CCHCR1: variants seen among roughly 807,000 people sequenced by gnomAD.
CCHCR1 encodes the protein HCR (a-helix coiled-coil rod homologue).
Under a neutral mutation model 114.6 loss-of-function variants are expected in CCHCR1, and 91 were observed. The observed-to-expected ratio is 0.79, with a 90% CI of 0.67 to 0.94. The LOEUF (loss-of-function observed/expected upper bound fraction) is 0.94. Among genes scored for constraint, CCHCR1 ranks in the 40% least tolerant of loss-of-function variants. The pLI is 0.00. For synonymous variants in CCHCR1, 379 were observed against 428.5 expected (o/e 0.88, Z 1.43); for missense variants, 899 against 1,079.9 (o/e 0.83, Z 2.35).
intron 1 of CCHCR1, 132 bp downstream of exon 1, chr6:31,157,253 C>A: frequency 9.8e-7 from 1 of 1,017,014 alleles, no homozygotes; most frequent in Non-Finnish European, 1.5e-6. Flanking sequence ...CCCAAATTCA[C>A]TTGCTTGTCT....
At position 31,142,560 on chromosome 6, in the gene CCHCR1, C is replaced by T; in HGVS notation, c.*32G>A. 1.3e-6 allele frequency: 2 copies of T among 1,599,534 alleles called. No homozygotes were observed. The highest frequency in any genetic ancestry group is 1.7e-6 in the Non-Finnish European group (2 of 1,170,932). Reference sequence around the variant, plus strand: ...CACTTCTCCAGGATCCTCCCAGCCCCCAGGCTGGCTTTCCCTCCAACTGTC... The same window carrying T: ...CACTTCTCCAGGATCCTCCCAGCCCTCAGGCTGGCTTTCCCTCCAACTGTC... On this transcript the variant is annotated 3_prime_UTR_variant, in exon 18 of 18. Transcript: ENST00000396268.
At position 31,151,106 on chromosome 6, in the gene CCHCR1, T is replaced by C. The variant is rs768055992; in HGVS notation, c.818A>G (p.Gln273Arg). Residue 273 changes from glutamine to arginine, a missense_variant, in exon 5 of 18, where the codon CAG (glutamine) becomes CGG (arginine). By Grantham distance (43) the Gln-to-Arg change is conservative. Transcript: ENST00000396268. This position sits in a 1 kb window ranked among gnomAD's most constrained non-coding sequence, Gnocchi z 4.1. ...ACTGGAAAGAGCCTCCTCGTGAGCC[T>C]GTGTCAAAGAGGACAGCTGCGGAAA... ...LHQEQLSSLT[Q>R]AHEEALSSLT... 1 of 1,612,712 alleles carries C rather than the reference T, an allele frequency of 6.2e-7. No homozygotes were observed. Among genetic ancestry groups the C allele is most frequent in the Non-Finnish European group, 8.5e-7 (1 of 1,179,868 alleles).
Position 31,142,521 on chromosome 6 carries a change from G to C in CCHCR1, c.*71C>G. 6.7e-7 allele frequency: 1 copy of C among 1,490,180 alleles called. No individual in the cohort carries two copies. The highest frequency in any genetic ancestry group is 1.2e-5 in the South Asian group (1 of 84,836). The allele number at this position is 1,490,180 out of a possible 1,614,324, so 92.3% of individuals were successfully genotyped here. On this transcript the variant is annotated 3_prime_UTR_variant, in exon 18 of 18. Coordinates refer to ENST00000396268, the MANE Select transcript of CCHCR1 (RefSeq NM_001105564.2). Reference sequence around the variant, plus strand: ...GGCAACCCCAGGATGGGGAAGGGCTGGTCTGTCCCCACCCACTTCTCCAGG... The same window carrying C: ...GGCAACCCCAGGATGGGGAAGGGCTCGTCTGTCCCCACCCACTTCTCCAGG...
In CCHCR1 at chr6:31,154,621, T is replaced by C; in HGVS notation, c.676A>G (p.Lys226Glu). The C allele has an allele frequency of 1.2e-6, 2 of 1,612,882 alleles. No individual in the cohort carries two copies. The highest frequency in any genetic ancestry group is 1.7e-6 in the Non-Finnish European group (2 of 1,180,028). The change falls in exon 4 of 18, where the codon AAG (lysine) becomes GAG (glutamate). Residue 226 changes from lysine (K) to glutamate (E), a missense_variant. Transcript: ENST00000396268. The surrounding 1 kb of genome is among the most constrained non-coding windows in gnomAD (Gnocchi z 4.1). Reference sequence around the variant, plus strand: ...CCCTCAGCCTCAGCTCGGCCGGCCTTCTCCGCCCGTGCCAGAGCCTCTAGC... The same window carrying C: ...CCCTCAGCCTCAGCTCGGCCGGCCTCCTCCGCCCGTGCCAGAGCCTCTAGC... ...MELEALARAE[K>E]AGRAEAEGLR...
At chr6:31,148,854 CGG>C in intron 8 of CCHCR1, 126 bp from the exon 9 acceptor site, 1 of 53,174 alleles carries the variant, frequency 1.9e-5, no homozygotes, top group South Asian at 8.4e-4. Flanking sequence ...GGAGGGGGGG[CGG>C]GCGACGGGGG....
chr6:31,143,175 C>A lies in CCHCR1; in HGVS notation c.2320-41G>T. Reference sequence around the variant, plus strand: ...TTAAACCTAGCCCGGATAGAGCCTCCCTCACCATCCTCTTTCCACACCTCT... The same window carrying A: ...TTAAACCTAGCCCGGATAGAGCCTCACTCACCATCCTCTTTCCACACCTCT... On this transcript the variant is annotated intron_variant, in intron 16 of 17. Coordinates refer to ENST00000396268, the MANE Select transcript of CCHCR1 (RefSeq NM_001105564.2). This position sits in a 1 kb window ranked among gnomAD's most constrained non-coding sequence, Gnocchi z 5.3. 6.2e-7 allele frequency: 1 copy of A among 1,610,540 alleles called. No homozygotes were observed.
At chr6:31,149,982 T>TGTGGC in intron 8 of CCHCR1, 84 bp downstream of exon 8, 1 of 1,086,756 alleles carries the variant, frequency 9.2e-7, no homozygotes, top group Non-Finnish European at 1.3e-6. Flanking sequence ...AACCACTCAA[T>TGTGGC]AAACACTGGT....
In CCHCR1 at chr6:31,154,302, T is replaced by C. The variant is rs908356335; in HGVS notation, c.801+194A>G. On this transcript the variant is annotated intron_variant, in intron 4 of 17. Coordinates refer to ENST00000396268, the MANE Select transcript of CCHCR1 (RefSeq NM_001105564.2). This position sits in a 1 kb window ranked among gnomAD's most constrained non-coding sequence, Gnocchi z 4.1. ...GGCCACCTGAGTCTTGGGGGAAAAG[T>C]GCAACCTGAATTAAGATAAAAGTAC... Among the ~76,000 whole-genome samples, 2 of 152,210 alleles carry C rather than the reference T, an allele frequency of 1.3e-5. No homozygotes were observed. Among genetic ancestry groups the C allele is most frequent in the Non-Finnish European group, 2.9e-5 (2 of 68,050 alleles).
Position 31,144,910 on chromosome 6 carries a change from G to C in CCHCR1, c.2040C>G (p.Thr680=). Residue 680 remains threonine (T), a synonymous_variant, in exon 14 of 18, where the codon ACC becomes ACG. Coordinates refer to ENST00000396268, the MANE Select transcript of CCHCR1 (RefSeq NM_001105564.2). This position sits in a 1 kb window ranked among gnomAD's most constrained non-coding sequence, Gnocchi z 4.6. The part of the protein sequence containing the change: ...EEAASLRQEL[T]QQQELYGQAL... ...CTTGCCCGTAGAGTTCCTGCTGCTG[G>C]GTCAGCTCCTGCCGCAGACTGGCAG... The C allele has an allele frequency of 6.2e-7, 1 of 1,613,294 alleles. No homozygotes were observed. The highest frequency in any genetic ancestry group is 2.2e-5 in the East Asian group (1 of 44,862).
Position 31,154,888 on chromosome 6 carries a change from G to T in CCHCR1, c.498-89C>A. On this transcript the variant is annotated intron_variant, in intron 3 of 17. Transcript: ENST00000396268. This position sits in a 1 kb window ranked among gnomAD's most constrained non-coding sequence, Gnocchi z 4.1. Reference sequence around the variant, plus strand: ...AAACATAGCCAGGAGAAGGAAAAGAGGACCCCTCTGCTTCCGTGTGGGGAG... The same window carrying T: ...AAACATAGCCAGGAGAAGGAAAAGATGACCCCTCTGCTTCCGTGTGGGGAG... 8.0e-7 allele frequency: 1 copy of T among 1,252,612 alleles called. No individual in the cohort carries two copies. The highest frequency in any genetic ancestry group is 1.1e-6 in the Non-Finnish European group (1 of 924,152). The allele number at this position is 1,252,612 out of a possible 1,614,324, so 77.6% of individuals were successfully genotyped here. A position where few individuals can be genotyped will look rare whatever the true frequency, so the allele number is the denominator to read the frequency against.
Position 31,151,195 on chromosome 6 carries a change from C to T in CCHCR1, c.802-73G>A. 1 of 1,490,562 alleles carries T rather than the reference C, an allele frequency of 6.7e-7. No individual in the cohort carries two copies. The highest frequency in any genetic ancestry group is 9.0e-7 in the Non-Finnish European group (1 of 1,106,806). The allele number at this position is 1,490,562 out of a possible 1,614,324, so 92.3% of individuals were successfully genotyped here. Reference sequence around the variant, plus strand: ...GCCTTCCTTGTTCCCTTCACTCCCACTTTCTGTGACCTTAGAGAATGACCC... The same window carrying T: ...GCCTTCCTTGTTCCCTTCACTCCCATTTTCTGTGACCTTAGAGAATGACCC... On this transcript the variant is annotated intron_variant, in intron 4 of 17. Coordinates refer to ENST00000396268, the MANE Select transcript of CCHCR1 (RefSeq NM_001105564.2). The surrounding 1 kb of genome is among the most constrained non-coding windows in gnomAD (Gnocchi z 4.1).
chr6:31,157,337 G>T, intron 1 of CCHCR1, 48 bp downstream of exon 1: 1 of 1,449,660 alleles, frequency 6.9e-7, no homozygotes, highest in Non-Finnish European at 9.7e-7. Context: ...ACTGAGAGGG[G>T]CTCTGAGGCT....
intron 10 of CCHCR1, 21 bp from the exon 11 acceptor site, chr6:31,145,829 T>G (rs1416599188): frequency 7.0e-7 from 1 of 1,418,680 alleles, no homozygotes; most frequent in South Asian, 1.1e-5. Flanking sequence ...CACAAGTCAC[T>G]GATCCTCCAT....
rs1355862006 is a variant in CCHCR1, at chr6:31,142,977, C to A, written c.2477G>T (p.Arg826Met). 8 of 1,612,792 alleles carry A rather than the reference C, an allele frequency of 5.0e-6. No homozygotes were observed. The highest frequency in any genetic ancestry group is 5.9e-6 in the Non-Finnish European group (7 of 1,179,956). The change falls in exon 17 of 18, where the codon AGG (arginine) becomes ATG (methionine). Residue 826 changes from arginine (R) to methionine (M), a missense_variant. Arg to Met is a moderately conservative substitution (Grantham distance 91). Coordinates refer to ENST00000396268, the MANE Select transcript of CCHCR1 (RefSeq NM_001105564.2). ...SAPVAAAVPT[R>M]ESIKGSLSVL... Reference sequence around the variant, plus strand: ...TGGCCCAAGACCTTTTATGGACTCCCTGGTGGGCACTGCTGCTGCTACAGG... The same window carrying A: ...TGGCCCAAGACCTTTTATGGACTCCATGGTGGGCACTGCTGCTGCTACAGG...
rs1478204345 is a variant in CCHCR1 at position 31,144,188 on chromosome 6, C to T, written c.2167+499G>A. On this transcript the variant is annotated intron_variant, in intron 15 of 17. Coordinates refer to ENST00000396268, the MANE Select transcript of CCHCR1 (RefSeq NM_001105564.2). This position sits in a 1 kb window ranked among gnomAD's most constrained non-coding sequence, Gnocchi z 4.6. ...CTGCTATATTTAGTTAGAGAAGATACATTCATTACACAATTCTTTTTTTGA... is the reference window on the plus strand; with the variant it reads ...CTGCTATATTTAGTTAGAGAAGATATATTCATTACACAATTCTTTTTTTGA... Among the ~76,000 whole-genome samples, 1 of 152,144 alleles carries T rather than the reference C, an allele frequency of 6.6e-6. No individual in the cohort carries two copies. The highest frequency in any genetic ancestry group is 1.5e-5 in the Non-Finnish European group (1 of 68,020).
Position 31,143,063 on chromosome 6 carries a change from T to C in CCHCR1, c.2391A>G (p.Leu797=), listed in dbSNP as rs772084036. 5.0e-6 allele frequency: 8 copies of C among 1,612,772 alleles called. No individual in the cohort carries two copies. The Middle Eastern group carries it at 6.6e-4, about 133-fold the overall frequency. Residue 797 remains leucine, a synonymous_variant, in exon 17 of 18, where the codon CTA becomes CTG. Coordinates refer to ENST00000396268, the MANE Select transcript of CCHCR1 (RefSeq NM_001105564.2). The surrounding 1 kb of genome is among the most constrained non-coding windows in gnomAD (Gnocchi z 5.3). ...ACACCACAGATTTCTTCTTATCCAG[T>C]AGGGAAGGAAGAACTGTCAACAGTC... is the stretch of plus-strand genomic sequence containing the variant. ...QQRLLTVLPS[L]LDKKKSVVSS... is the part of the protein sequence containing the mutation.
At position 31,144,791 on chromosome 6, in the gene CCHCR1, G is replaced by T; in HGVS notation, c.2066-3C>A. 3 of 1,613,520 alleles carry T rather than the reference G, an allele frequency of 1.9e-6. No individual in the cohort carries two copies. The highest frequency in any genetic ancestry group is 1.7e-6 in the Non-Finnish European group (2 of 1,179,552). On this transcript the variant is annotated splice_polypyrimidine_tract_variant and splice_region_variant and intron_variant, in intron 14 of 17. Coordinates refer to ENST00000396268, the MANE Select transcript of CCHCR1 (RefSeq NM_001105564.2). This position sits in a 1 kb window ranked among gnomAD's most constrained non-coding sequence, Gnocchi z 4.6. ...TTCAGCCACCTTTTCTTGCAGGGCT[G>T]GGGTGAAAGTGCAGACGGGGCATAT...
chr6:31,150,409 A>G lies in CCHCR1; in HGVS notation c.1212+46T>C. 1 of 1,521,946 alleles carries G rather than the reference A, an allele frequency of 6.6e-7. No homozygotes were observed. Among genetic ancestry groups the G allele is most frequent in the Non-Finnish European group, 9.1e-7 (1 of 1,102,364 alleles). The allele number at this position is 1,521,946 out of a possible 1,614,324, so 94.3% of individuals were successfully genotyped here. On this transcript the variant is annotated intron_variant, in intron 7 of 17. Coordinates refer to ENST00000396268, the MANE Select transcript of CCHCR1 (RefSeq NM_001105564.2). The surrounding 1 kb of genome is among the most constrained non-coding windows in gnomAD (Gnocchi z 5.3). ...CAGGGAGGGAGGCAGGGGACAGTAG[A>G]TGCAGGATGCGGCTGAGGGTGAGGG...
chr6:31,157,648 T>C lies in CCHCR1; in HGVS notation c.-48A>G. On this transcript the variant is annotated 5_prime_UTR_variant, in exon 1 of 18. Coordinates refer to ENST00000396268, the MANE Select transcript of CCHCR1 (RefSeq NM_001105564.2). The stretch of plus-strand genomic sequence containing the variant: ...ACCTTGGGAATCCAGGCCGCCTAGA[T>C]CCCCAGGCAGAAAAGCCAGCGTCCT... 6.7e-7 allele frequency: 1 copy of C among 1,490,480 alleles called. No homozygotes were observed. The highest frequency in any genetic ancestry group is 1.2e-5 in the South Asian group (1 of 84,524). 92.3% of individuals were successfully genotyped at this position (1,490,480 alleles called of 1,614,324 possible).
Sources: allele counts gnomAD v4.1 joint callset (sites outside exome capture counted in the v4.1 genomes callset), GRCh38; gene constraint gnomAD v4.1.1; non-coding constraint Gnocchi (gnomAD v3.1); transcripts MANE v1.5; gene names NCBI Gene and HGNC (gene_info 2026-07-23, HGNC 2026-07-21).